The following RYR1 variants were observed in gnomAD, a reference collection of about 807,000 sequenced individuals.
RYR1 encodes ryanodine receptor 1, also known as central core disease of muscle.
In RYR1, 342 loss-of-function variants were observed where a neutral mutation model predicts 583.5. The observed-to-expected ratio is 0.59, with a 90% CI of 0.54 to 0.64. The LOEUF (loss-of-function observed/expected upper bound fraction) is 0.64, where lower values mean the gene tolerates loss of function less well. Ranked by LOEUF, RYR1 falls within the 30% of genes least tolerant of loss-of-function variation. The probability of loss-of-function intolerance (pLI) is 0.00; values close to 1 mark genes in which losing one functional copy is unlikely to be tolerated. For synonymous variants in RYR1, 2,791 were observed against 2,822.5 expected (o/e 0.99, Z 0.35); for missense variants, 6,032 against 6,917.2 (o/e 0.87, Z 4.54).
intron 34 of RYR1, among the ~76,000 whole-genome samples, chr19:38,486,649 CCTTT>C (rs1440789290): frequency 1.3e-5 from 2 of 152,184 alleles, no homozygotes; most frequent in Non-Finnish European, 2.9e-5. Flanking sequence ...CCTCCATCCA[CCTTT>C]CTATGTATCC....
In RYR1 at chr19:38,463,895, G is replaced by A. The variant is rs111329688; in HGVS notation, c.2786+45G>A. On this transcript the variant is annotated intron_variant, in intron 22 of 105. Transcript: ENST00000359596. ...GGGGGTTGGGGCTGGCTGCTGGTGC[G>A]GTGGGGGAGGGAGGCATGGAGAGAC... 89 of 1,411,404 alleles carry A rather than the reference G, an allele frequency of 6.3e-5. No individual in the cohort carries two copies. Among genetic ancestry groups the A allele is most frequent in the African/African-American group, 3.5e-4 (25 of 71,120 alleles). The allele number at this position is 1,411,404 out of a possible 1,614,324, so 87.4% of individuals were successfully genotyped here.
intron 58 of RYR1, among the ~76,000 whole-genome samples, chr19:38,508,081 T>G (rs1970560539): frequency 6.6e-6 from 1 of 152,120 alleles, no homozygotes; most frequent in Admixed American, 6.6e-5. Flanking sequence ...ACTAAATCGT[T>G]TAGTGTTAGA....
intron 89 of RYR1, among the ~76,000 whole-genome samples, chr19:38,560,746 AAAAAG>A (rs1181703556): frequency 4.5e-4 from 68 of 150,182 alleles, no homozygotes; most frequent in African/African-American, 1.6e-3. Flanking sequence ...AAAAAAAAAA[AAAAAG>A]AGAAAGAAAA....
At chr19:38,524,026 G>A in intron 70 of RYR1, 97 bp downstream of exon 70, 1 of 1,398,386 alleles carries the variant, frequency 7.2e-7, no homozygotes. Context: ...CCCTGCTTCT[G>A]TTCCCCACCC....
intron 34 of RYR1, among the ~76,000 whole-genome samples, chr19:38,488,950 G>A (rs1969424040): frequency 6.6e-6 from 1 of 152,220 alleles, no homozygotes; most frequent in African/African-American, 2.4e-5. Context: ...TCATATTTGG[G>A]TCTGTGGTCT....
chr19:38,553,767 C>A (rs1232326486), intron 89 of RYR1, among the ~76,000 whole-genome samples: 3 of 152,218 alleles, frequency 2.0e-5, no homozygotes, highest in East Asian at 1.9e-4. Flanking sequence ...TCGTTAGTTT[C>A]TTTTGTATCC....
intron 104 of RYR1, among the ~76,000 whole-genome samples, 156 bp from the exon 105 acceptor site, chr19:38,586,369 C>T (rs1345826557): frequency 1.3e-5 from 2 of 152,050 alleles, no homozygotes; most frequent in African/African-American, 4.8e-5. Flanking sequence ...ACCTGTAAGC[C>T]CAGCACTTTG....
rs377412458 is a variant in RYR1, at chr19:38,531,698, A to C, written c.11142-792A>C. 1.9e-4 allele frequency among the ~76,000 whole-genome samples: 29 copies of C among 152,214 alleles called. 1 individual carries two copies. The South Asian group carries it at 6.0e-3, about 32-fold the overall frequency. On this transcript the variant is annotated intron_variant, in intron 76 of 105. Transcript: ENST00000359596. ...AATTCCAGTACTTTGGGAGGCCAGG[A>C]GTTTGAGACCAGCCTGGGCAACATA...
In RYR1 at chr19:38,502,704, G is replaced by A; in HGVS notation, c.7812G>A (p.Glu2604=). The A allele has an allele frequency of 6.3e-7, 1 of 1,599,102 alleles. No homozygotes were observed. Among genetic ancestry groups the A allele is most frequent in the Non-Finnish European group, 8.5e-7 (1 of 1,176,040 alleles). ...CCAAGGCGCAGCGTGACGTCATCGA[G>A]GACTGCCTCATGTCGCTCTGCAGGT... is the stretch of plus-strand genomic sequence containing the variant. ...SLTKAQRDVI[E]DCLMSLCRYI... is the part of the protein sequence containing the mutation. Residue 2604 remains glutamate, a synonymous_variant, in exon 48 of 106, where the codon GAG becomes GAA. Coordinates refer to ENST00000359596, the MANE Select transcript of RYR1 (RefSeq NM_000540.3).
intron 65 of RYR1, among the ~76,000 whole-genome samples, chr19:38,517,068 G>A (rs1173145079): frequency 6.6e-6 from 1 of 152,138 alleles, no homozygotes; most frequent in Non-Finnish European, 1.5e-5. Flanking sequence ...CAGCAGGGGT[G>A]AGGGGAATGG....
At chr19:38,579,636 G>A (rs529804351) in intron 99 of RYR1, among the ~76,000 whole-genome samples, 27 of 149,526 alleles carry the variant, frequency 1.8e-4, no homozygotes, top group South Asian at 4.2e-4. Context: ...ATGGAGTCTC[G>A]CTATGTTGCC....
chr19:38,561,482 C>T lies in RYR1; in HGVS notation c.12624+28C>T, dbSNP rs1234143326. ...CAGGGAACCCGCGCGCGTGCAAGCTCGCCTCCTGGGGCTTCGGGCATGCGG... is the reference window on the plus strand; with the variant it reads ...CAGGGAACCCGCGCGCGTGCAAGCTTGCCTCCTGGGGCTTCGGGCATGCGG... On this transcript the variant is annotated intron_variant, in intron 90 of 105. Transcript: ENST00000359596. The surrounding 1 kb of genome is among the most constrained non-coding windows in gnomAD (Gnocchi z 4.8). 19 of 1,591,898 alleles carry T rather than the reference C, an allele frequency of 1.2e-5. No individual in the cohort carries two copies. Among genetic ancestry groups the T allele is most frequent in the Non-Finnish European group, 1.5e-5 (18 of 1,171,870 alleles).
At chr19:38,547,770 CA>C in intron 88 of RYR1, among the ~76,000 whole-genome samples, 1 of 150,836 alleles carries the variant, frequency 6.6e-6, no homozygotes, top group East Asian at 2.0e-4. Flanking sequence ...GGCTGGAGTG[CA>C]GTGGCACGAT....
intron 91 of RYR1, among the ~76,000 whole-genome samples, chr19:38,566,196 C>T (rs1316108760): frequency 2.0e-5 from 3 of 151,870 alleles, no homozygotes; most frequent in Non-Finnish European, 4.4e-5. Context: ...CACCTGTGAT[C>T]CCAGCACTTT....
At position 38,433,804 on chromosome 19, in the gene RYR1, G is replaced by C. The variant is rs377233396; in HGVS notation, c.-26G>C. 1.2e-5 allele frequency: 16 copies of C among 1,317,990 alleles called. No individual in the cohort carries two copies. In the East Asian group the frequency reaches 1.8e-4, roughly 15 times the overall value. The allele number at this position is 1,317,990 out of a possible 1,614,324, so 81.6% of individuals were successfully genotyped here. A position where few individuals can be genotyped will look rare whatever the true frequency, so the allele number is the denominator to read the frequency against. ...CCCCTCCCTCTGTTCCCCGACCTCA[G>C]ACCCTGGGCTTCCGACCTCGACATC... On this transcript the variant is annotated 5_prime_UTR_variant, in exon 1 of 106. Coordinates refer to ENST00000359596, the MANE Select transcript of RYR1 (RefSeq NM_000540.3).
intron 78 of RYR1, among the ~76,000 whole-genome samples, chr19:38,533,801 A>G (rs916490326): frequency 6.6e-6 from 1 of 150,980 alleles, no homozygotes; most frequent in Non-Finnish European, 1.5e-5. Context: ...AAAAAAAAAG[A>G]TCTAGCAGTA....
intron 16 of RYR1, among the ~76,000 whole-genome samples, chr19:38,456,362 A>G (rs937277272): frequency 1.4e-5 from 2 of 142,832 alleles, no homozygotes; most frequent in Non-Finnish European, 3.0e-5. Flanking sequence ...GCTCACTGCA[A>G]CCTCTGCTTC....
Position 38,463,776 on chromosome 19 carries a change from G to A in RYR1, c.2712G>A (p.Pro904=), listed in dbSNP as rs139339574. The change falls in exon 22 of 106, where the codon CCG becomes CCA. Residue 904 remains proline (P), a synonymous_variant. Coordinates refer to ENST00000359596, the MANE Select transcript of RYR1 (RefSeq NM_000540.3). The part of the protein sequence containing the change: ...PVRDDNKRLH[P]CLVDFHSLPE... ...GGGATGACAACAAGAGGCTGCACCC[G>A]TGTCTTGTGGACTTCCACAGCCTTC... 117 of 1,613,990 alleles carry A rather than the reference G, an allele frequency of 7.2e-5. No individual in the cohort carries two copies. Among genetic ancestry groups the A allele is most frequent in the East Asian group, 1.8e-4 (8 of 44,900 alleles).
At chr19:38,452,771 G>A (rs111240046) in intron 12 of RYR1, 48 bp from the exon 13 acceptor site, 2 of 1,519,578 alleles carry the variant, frequency 1.3e-6, no homozygotes, top group South Asian at 2.4e-5. Context: ...GTGACGTTGC[G>A]GCAGTTAGCG....
Sources: allele counts gnomAD v4.1 joint callset (sites outside exome capture counted in the v4.1 genomes callset), GRCh38; gene constraint gnomAD v4.1.1; non-coding constraint Gnocchi (gnomAD v3.1); transcripts MANE v1.5; gene names NCBI Gene and HGNC (gene_info 2026-07-23, HGNC 2026-07-21).